The following CCDC93 variants were observed in gnomAD, a reference collection of about 807,000 sequenced individuals.
CCDC93 encodes the protein CCC complex scaffolding subunit CCDC93.
CCDC93 carries 61 observed loss-of-function variants against 108.2 expected under a neutral mutation model. The ratio of observed to expected loss-of-function variants is 0.56; its 90% CI spans 0.46 to 0.70. The LOEUF is 0.70. Among genes scored for constraint, CCDC93 ranks in the 30% least tolerant of loss-of-function variants. CCDC93 has a pLI of 0.00. For synonymous variants in CCDC93, 276 were observed against 260.4 expected, an observed-to-expected ratio of 1.06 and a Z score of -0.58; for missense variants, 685 against 764.2, an observed-to-expected ratio of 0.90 and a Z score of 1.22.
intron 15 of CCDC93, among the ~76,000 whole-genome samples, chr2:117,947,321 T>G (rs1314038295): frequency 3.9e-5 from 6 of 152,146 alleles, no homozygotes; most frequent in South Asian, 2.1e-4. Context: ...GTGGCTCCTG[T>G]GCTGAAGTGC....
chr2:117,946,924 GTAA>G, intron 15 of CCDC93, 42 bp from the exon 16 acceptor site: 1 of 1,336,422 alleles, frequency 7.5e-7, no homozygotes, highest in Non-Finnish European at 1.1e-6. Flanking sequence ...CAGACAAGGA[GTAA>G]TTAGACGCAA....
At chr2:117,940,621 C>T (rs779173268) in intron 19 of CCDC93, among the ~76,000 whole-genome samples, 44 of 152,164 alleles carry the variant, frequency 2.9e-4, no homozygotes, top group Non-Finnish European at 5.3e-4. Context: ...GACTTGGAGG[C>T]ACTGCAGCTA....
chr2:117,992,827 T>C lies in CCDC93; in HGVS notation c.519+2619A>G, dbSNP rs115018022. On this transcript the variant is annotated intron_variant, in intron 6 of 23. Transcript: ENST00000376300. ...GGGGCACTATGTAAATATCTGTCATTATCACATATTCCTTAATTCTCTGCA... is the reference window on the plus strand; with the variant it reads ...GGGGCACTATGTAAATATCTGTCATCATCACATATTCCTTAATTCTCTGCA... Among the ~76,000 whole-genome samples the C allele has an allele frequency of 4.0e-3, 610 of 151,606 alleles. 4 individuals are homozygous for C. Among genetic ancestry groups the C allele is most frequent in the African/African-American group, 0.014 (579 of 41,336 alleles).
At chr2:117,942,114 C>T (rs1323087151) in intron 18 of CCDC93, among the ~76,000 whole-genome samples, 2 of 152,232 alleles carry the variant, frequency 1.3e-5, no homozygotes, top group South Asian at 2.1e-4. Flanking sequence ...TGGGTCTCTG[C>T]AGCTCCAGGG....
At chr2:117,971,910 A>G (rs796539886) in intron 11 of CCDC93, among the ~76,000 whole-genome samples, 19 of 152,346 alleles carry the variant, frequency 1.2e-4, no homozygotes, top group African/African-American at 3.8e-4. Flanking sequence ...CTACCTACCC[A>G]ATGAAAACAA....
intron 11 of CCDC93, among the ~76,000 whole-genome samples, chr2:117,970,833 T>C (rs1043275696): frequency 6.6e-6 from 1 of 152,108 alleles, no homozygotes; most frequent in East Asian, 1.9e-4. Flanking sequence ...GCTGGAAATA[T>C]TGGGGGCATA....
chr2:117,974,791 C>T lies in CCDC93; in HGVS notation c.801+59G>A, dbSNP rs1460625567. 6.0e-6 allele frequency: 8 copies of T among 1,329,142 alleles called. No individual in the cohort carries two copies. In the East Asian group the frequency reaches 1.7e-4, roughly 29 times the overall value. The allele number at this position is 1,329,142 out of a possible 1,614,324, so 82.3% of individuals were successfully genotyped here. On this transcript the variant is annotated intron_variant, in intron 10 of 23. Transcript: ENST00000376300. ...GAAGGTGGGCTCTCTGGGAGAAGAC[C>T]CCAGCAGAGCAGGGTGGTGCCAAGT... is the stretch of plus-strand genomic sequence containing the variant.
intron 17 of CCDC93, among the ~76,000 whole-genome samples, chr2:117,945,197 C>G (rs549141462): frequency 2.2e-4 from 34 of 152,338 alleles, no homozygotes; most frequent in African/African-American, 8.2e-4. Context: ...CTCTGTACCA[C>G]CCCATCCCTC....
At chr2:117,920,490 G>A (rs1677825996) in intron 23 of CCDC93, 94 bp from the exon 24 acceptor site, 1 of 790,952 alleles carries the variant, frequency 1.3e-6, no homozygotes. Context: ...ATATCCCTAT[G>A]GGAGACATCT....
rs748853641 is a variant in CCDC93, at chr2:118,008,648, CTT to C, written c.51_52del (p.Glu19ArgfsTer2). On this transcript the variant is annotated frameshift_variant, in exon 2 of 24. Coordinates refer to ENST00000376300, the MANE Select transcript of CCDC93 (RefSeq NM_019044.5). LOFTEE classifies it high-confidence loss of function. Reference sequence around the variant, plus strand: ...CTTGACATTTTGTTCTTCATCTTCTCTTGTTTCCACCTAAAATAAAAGGTAAA... The same window carrying C: ...CTTGACATTTTGTTCTTCATCTTCTCGTTTCCACCTAAAATAAAAGGTAAA... The C allele has an allele frequency of 1.9e-6, 3 of 1,607,398 alleles. No homozygotes were observed. The highest frequency in any genetic ancestry group is 2.6e-6 in the Non-Finnish European group (3 of 1,174,728).
intron 23 of CCDC93, among the ~76,000 whole-genome samples, chr2:117,923,836 T>TG (rs1291903661): frequency 1.7e-4 from 1 of 5,970 alleles, no homozygotes; most frequent in African/African-American, 7.4e-4. Flanking sequence ...TGCTTCCTCA[T>TG]GTGGTCCCTG....
In CCDC93 at chr2:117,916,688, G is replaced by C. The variant is rs575567504; in HGVS notation, c.*3655C>G. 3 of 152,210 alleles carry C rather than the reference G, an allele frequency of 2.0e-5. No individual in the cohort carries two copies. Among genetic ancestry groups the C allele is most frequent in the Non-Finnish European group, 4.4e-5 (3 of 68,048 alleles). 9.4% of individuals were successfully genotyped at this position (152,210 alleles called of 1,614,324 possible). A position where few individuals can be genotyped will look rare whatever the true frequency, so the allele number is the denominator to read the frequency against. ...ATGGGGACGGATGTAAGGCTGGCGT[G>C]GAACATCCACGGTATTCCCTGTGTT... On this transcript the variant is annotated 3_prime_UTR_variant, in exon 24 of 24. Coordinates refer to ENST00000376300, the MANE Select transcript of CCDC93 (RefSeq NM_019044.5).
At chr2:117,934,200 G>GA (rs1678447183) in intron 22 of CCDC93, 2 of 152,122 alleles carry the variant, frequency 1.3e-5, no homozygotes, top group Non-Finnish European at 2.9e-5. Context: ...GAAGTCAAAG[G>GA]AAAAAACCCC....
intron 23 of CCDC93, among the ~76,000 whole-genome samples, chr2:117,929,026 C>T (rs1678227857): frequency 6.6e-6 from 1 of 151,188 alleles, no homozygotes; most frequent in East Asian, 2.0e-4. Flanking sequence ...AACTAAACAC[C>T]ACATGTTTTC....
chr2:117,946,758 CT>C, intron 16 of CCDC93, 52 bp downstream of exon 16: 1 of 1,318,478 alleles, frequency 7.6e-7, no homozygotes, highest in Non-Finnish European at 1.1e-6. Context: ...CTAGAACTAT[CT>C]TTTTCCCGTA....
chr2:117,994,619 C>A (rs1680587249), intron 6 of CCDC93, among the ~76,000 whole-genome samples: 1 of 152,172 alleles, frequency 6.6e-6, no homozygotes. Context: ...CACAAAGCCA[C>A]AAACACCAGG....
chr2:117,941,586 G>A (rs2081320), intron 18 of CCDC93, among the ~76,000 whole-genome samples: 1 of 152,032 alleles, frequency 6.6e-6, no homozygotes, highest in African/African-American at 2.4e-5. Flanking sequence ...GGACAGAGCC[G>A]GCAGCTACCC....
intron 8 of CCDC93, 64 bp downstream of exon 8, chr2:117,977,930 C>G (rs17047608): frequency 0.022 from 27,832 of 1,254,932 alleles, 902 homozygotes; most frequent in African/African-American, 0.14. Flanking sequence ...GAGTGTTAGT[C>G]AGAGGTGAAG....
At chr2:117,947,986 G>A (rs576678017) in intron 15 of CCDC93, 119 bp downstream of exon 15, 68 of 785,828 alleles carry the variant, frequency 8.7e-5, no homozygotes, top group East Asian at 2.6e-4. Flanking sequence ...GAGCCACTGC[G>A]CCTGGCCAAA....
Sources: allele counts gnomAD v4.1 joint callset (sites outside exome capture counted in the v4.1 genomes callset), GRCh38; gene constraint gnomAD v4.1.1; transcripts MANE v1.5; gene names NCBI Gene and HGNC (gene_info 2026-07-23, HGNC 2026-07-21).